Variants in ANO10 observed in about 807,000 individuals in gnomAD.
ANO10 encodes anoctamin 10, also known as anoctamin-10.
A neutral mutation model predicts 74.7 loss-of-function variants in ANO10; 77 were observed. The ratio of observed to expected loss-of-function variants is 1.03; its 90% CI spans 0.86 to 1.25. The LOEUF is 1.25. Among genes scored for constraint, ANO10 ranks in the 50% most tolerant of loss-of-function variants. The pLI is 0.00. For synonymous variants in ANO10, 279 were observed against 284.9 expected (o/e 0.98, Z 0.21); for missense variants, 721 against 778.1 (o/e 0.93, Z 0.87).
chr3:43,606,019 C>A (rs1475208515), intron 1 of ANO10, among the ~76,000 whole-genome samples, 156 bp from the exon 2 acceptor site: 1 of 152,134 alleles, frequency 6.6e-6, no homozygotes, highest in Admixed American at 6.6e-5. Context: ...CAGACTCAAC[C>A]AATGGTTCAA....
intron 11 of ANO10, among the ~76,000 whole-genome samples, chr3:43,533,146 A>G (rs369278388): frequency 2.2e-4 from 34 of 152,334 alleles, no homozygotes; most frequent in African/African-American, 7.2e-4. Context: ...GATGGAAGTG[A>G]GAAGCATGTT....
At chr3:43,633,742 C>A (rs1482466914) in intron 1 of ANO10, among the ~76,000 whole-genome samples, 1 of 152,070 alleles carries the variant, frequency 6.6e-6, no homozygotes. Flanking sequence ...ACACAAGACT[C>A]CTGGGTCAGA....
intron 7 of ANO10, among the ~76,000 whole-genome samples, chr3:43,566,242 G>T (rs1195662339): frequency 4.6e-5 from 7 of 152,140 alleles, no homozygotes; most frequent in African/African-American, 1.2e-4. Flanking sequence ...ACTGCAAGGC[G>T]GCAGCGAGGC....
intron 12 of ANO10, among the ~76,000 whole-genome samples, chr3:43,401,791 TG>T (rs2092486010): frequency 6.6e-6 from 1 of 152,250 alleles, no homozygotes; most frequent in Non-Finnish European, 1.5e-5. Flanking sequence ...CACTTTCCCC[TG>T]GCATTCTTTG....
At chr3:43,478,157 C>T (rs758938829) in intron 11 of ANO10, among the ~76,000 whole-genome samples, 16 of 152,156 alleles carry the variant, frequency 1.1e-4, no homozygotes, top group Non-Finnish European at 2.2e-4. Context: ...TGGCCAAGGT[C>T]ACAGAGTTAG....
intron 12 of ANO10, among the ~76,000 whole-genome samples, chr3:43,397,931 T>TG (rs1456378657): frequency 2.6e-5 from 4 of 152,104 alleles, no homozygotes; most frequent in Non-Finnish European, 4.4e-5. Flanking sequence ...TTGTCTGTTT[T>TG]GGGGGGTTCT....
chr3:43,528,022 A>G (rs1339151700), intron 11 of ANO10, among the ~76,000 whole-genome samples: 1 of 152,172 alleles, frequency 6.6e-6, no homozygotes. Context: ...TCCTAAAGAC[A>G]CAAGAACAAT....
At chr3:43,370,662 C>T (rs1233786027) in intron 12 of ANO10, among the ~76,000 whole-genome samples, 6 of 152,152 alleles carry the variant, frequency 3.9e-5, no homozygotes, top group Non-Finnish European at 7.3e-5. Flanking sequence ...ATAGAGCTGA[C>T]GACTTCTCCA....
At chr3:43,431,834 G>A (rs1200334930) in intron 12 of ANO10, among the ~76,000 whole-genome samples, 1 of 152,044 alleles carries the variant, frequency 6.6e-6, no homozygotes, top group Non-Finnish European at 1.5e-5. Context: ...GTCATCTTAG[G>A]TGGGTCCTCT....
intron 4 of ANO10, among the ~76,000 whole-genome samples, chr3:43,590,104 G>C (rs2149444551): frequency 6.6e-6 from 1 of 152,090 alleles, no homozygotes; most frequent in South Asian, 2.1e-4. Context: ...AGAAACTAAT[G>C]GAAAATAAAC....
intron 11 of ANO10, among the ~76,000 whole-genome samples, chr3:43,443,913 C>A (rs554248565): frequency 1.3e-5 from 2 of 151,992 alleles, no homozygotes; most frequent in East Asian, 3.9e-4. Flanking sequence ...AACTCCTGAC[C>A]TCAAGTGATC....
chr3:43,675,279 G>T (rs1255165250), intron 1 of ANO10, among the ~76,000 whole-genome samples: 2 of 151,920 alleles, frequency 1.3e-5, no homozygotes, highest in Non-Finnish European at 2.9e-5. Flanking sequence ...AAAACTTTTA[G>T]AAAAAAACAT....
intron 12 of ANO10, among the ~76,000 whole-genome samples, chr3:43,394,061 C>A (rs1331037533): frequency 1.3e-5 from 2 of 152,132 alleles, no homozygotes; most frequent in Admixed American, 6.5e-5. Context: ...TCTGTCACTT[C>A]ATTTGCATGA....
intron 4 of ANO10, among the ~76,000 whole-genome samples, chr3:43,597,658 T>C (rs2082155070): frequency 6.6e-6 from 1 of 152,110 alleles, no homozygotes; most frequent in African/African-American, 2.4e-5. Context: ...ATATACCTAA[T>C]GTAAATGATG....
chr3:43,627,544 TG>T (rs1025115909), intron 1 of ANO10, among the ~76,000 whole-genome samples: 4 of 152,200 alleles, frequency 2.6e-5, no homozygotes, highest in African/African-American at 7.2e-5. Flanking sequence ...GACTGAAACT[TG>T]TGACAAAGAA....
At chr3:43,396,078 T>TTA (rs1405250537) in intron 12 of ANO10, among the ~76,000 whole-genome samples, 1 of 149,128 alleles carries the variant, frequency 6.7e-6, no homozygotes, top group East Asian at 1.9e-4. Context: ...ATTTATTTAT[T>TTA]TTTTTTTTTT....
chr3:43,592,092 CAGCCTGGA>C (rs1046956998), intron 4 of ANO10, among the ~76,000 whole-genome samples: 4 of 152,352 alleles, frequency 2.6e-5, no homozygotes, highest in Middle Eastern at 6.8e-3. Flanking sequence ...GTAAACAAAG[CAGCCTGGA>C]AGCTCGAACT....
intron 1 of ANO10, chr3:43,618,073 C>G (rs558332356): frequency 2.6e-4 from 39 of 152,348 alleles, no homozygotes; most frequent in African/African-American, 9.4e-4. Flanking sequence ...CCTCCTTGTA[C>G]CTAGGGCAGC....
chr3:43,567,576 A>G (rs369911250), intron 7 of ANO10, among the ~76,000 whole-genome samples: 1 of 151,976 alleles, frequency 6.6e-6, no homozygotes, highest in Non-Finnish European at 1.5e-5. Flanking sequence ...TCATATCCAG[A>G]CAAACTAAGC....
Sources: allele counts gnomAD v4.1 joint callset (sites outside exome capture counted in the v4.1 genomes callset), GRCh38; gene constraint gnomAD v4.1.1; transcripts MANE v1.5; gene names NCBI Gene and HGNC (gene_info 2026-07-23, HGNC 2026-07-21).